Variants in MTMR10 observed in about 807,000 individuals in gnomAD.
MTMR10 encodes myotubularin-related protein 10.
A neutral mutation model predicts 88.1 loss-of-function variants in MTMR10; 56 were observed. The ratio of observed to expected loss-of-function variants is 0.64; its 90% CI spans 0.51 to 0.79. The LOEUF is 0.79. MTMR10 is among the 30% of genes least tolerant of loss of function. MTMR10 has a pLI of 0.00. For missense variants in MTMR10, 883 were observed against 924.7 expected, an observed-to-expected ratio of 0.95 and a Z score of 0.58; for synonymous variants, 380 against 340.9, an observed-to-expected ratio of 1.11 and a Z score of -1.26.
chr15:30,959,234 T>A (rs2063368471), intron 7 of MTMR10, 113 bp from the exon 8 acceptor site: 1 of 929,014 alleles, frequency 1.1e-6, no homozygotes, highest in South Asian at 1.7e-5. Context: ...TGCACCCCAC[T>A]TAGTAGCCAC....
chr15:30,941,348 C>A lies in MTMR10; in HGVS notation c.*122G>T. ...TTCAACATGTTTTTAAATATTAGTGCAAATTCCAACTATTATTCTTACATA... is the reference window on the plus strand; with the variant it reads ...TTCAACATGTTTTTAAATATTAGTGAAAATTCCAACTATTATTCTTACATA... On this transcript the variant is annotated 3_prime_UTR_variant, in exon 16 of 16. Coordinates refer to ENST00000435680, the MANE Select transcript of MTMR10 (RefSeq NM_017762.3). 6.5e-7 allele frequency: 1 copy of A among 1,534,706 alleles called. No homozygotes were observed.
the MTMR10 span, chr15:30,928,452 TTGAG>T: frequency 3.6e-5 from 55 of 1,521,316 alleles, no homozygotes; most frequent in Middle Eastern, 4.0e-4. Context: ...TTTCTTGAAA[TTGAG>T]TGTGCAGTAG....
Position 30,991,578 on chromosome 15 carries a change from C to G in MTMR10, c.-72G>C, listed in dbSNP as rs747456116. The G allele has an allele frequency of 1.3e-6, 2 of 1,499,302 alleles. No individual in the cohort carries two copies. The highest frequency in any genetic ancestry group is 1.8e-6 in the Non-Finnish European group (2 of 1,130,508). The allele number at this position is 1,499,302 out of a possible 1,614,324, so 92.9% of individuals were successfully genotyped here. A position where few individuals can be genotyped will look rare whatever the true frequency, so the allele number is the denominator to read the frequency against. ...CGCCGACGCCTCCGGGCGTAAAGCTCTCAGTGCGGCCGCCCAGGCCCTTTC... is the reference window on the plus strand; with the variant it reads ...CGCCGACGCCTCCGGGCGTAAAGCTGTCAGTGCGGCCGCCCAGGCCCTTTC... On this transcript the variant is annotated 5_prime_UTR_variant, in exon 1 of 16. Transcript: ENST00000435680.
rs76723761 is a variant in MTMR10 at position 30,955,973 on chromosome 15, T to A, written c.936-1080A>T. Among the ~76,000 whole-genome samples the A allele has an allele frequency of 5.6e-3, 761 of 135,788 alleles. 22 individuals are homozygous for A. The East Asian group carries it at 0.12, about 21-fold the overall frequency. The allele number at this position is 135,788 out of a possible 152,430, so 89.1% of individuals were successfully genotyped here. ...TCAATGGGTAACTTCCACACCACTT[T>A]AAAAAAACAAAACAAAACCCTGCTG... On this transcript the variant is annotated intron_variant, in intron 9 of 15. Transcript: ENST00000435680.
chr15:30,934,246 CTTCT>C (rs2062793335), downstream of MTMR10, among the ~76,000 whole-genome samples: 3 of 151,994 alleles, frequency 2.0e-5, no homozygotes. Context: ...CCACTTCAGC[CTTCT>C]TTTTTTTAAT....
At chr15:30,936,624 T>C (rs2062860835), downstream of MTMR10, among the ~76,000 whole-genome samples, 1 of 150,826 alleles carries the variant, frequency 6.6e-6, no homozygotes. Flanking sequence ...TGGCCTTATG[T>C]CCTGATAAAT....
downstream of MTMR10, among the ~76,000 whole-genome samples, chr15:30,935,417 C>T (rs2062825284): frequency 6.6e-6 from 1 of 152,114 alleles, no homozygotes; most frequent in African/African-American, 2.4e-5. Context: ...TCTGTAGATG[C>T]AACCATGGAC....
downstream of MTMR10, chr15:30,938,929 C>T (rs2062946358): frequency 1.9e-5 from 19 of 985,380 alleles, no homozygotes; most frequent in Non-Finnish European, 2.2e-5. Flanking sequence ...TGATTTCATA[C>T]TGACAACAAC....
chr15:30,963,235 C>T (rs11639169), intron 6 of MTMR10, among the ~76,000 whole-genome samples: 42,073 of 151,996 alleles, frequency 0.28, 6,248 homozygotes, highest in Non-Finnish European at 0.32. Context: ...CATCACTGGA[C>T]GGTGCTGCTC....
At chr15:30,936,411 T>C (rs890633824), downstream of MTMR10, among the ~76,000 whole-genome samples, 7 of 151,888 alleles carry the variant, frequency 4.6e-5, no homozygotes, top group African/African-American at 1.5e-4. Flanking sequence ...GCAAGAAGGT[T>C]AGATTTAATT....
chr15:30,942,131 T>C, intron 15 of MTMR10, 59 bp from the exon 16 acceptor site: 8 of 1,528,876 alleles, frequency 5.2e-6, no homozygotes, highest in Non-Finnish European at 7.1e-6. Flanking sequence ...GATTGAAGGA[T>C]GCAATGGCAA....
chr15:30,927,259 G>A, the MTMR10 span: 1 of 985,490 alleles, frequency 1.0e-6, no homozygotes, highest in Non-Finnish European at 1.2e-6. Flanking sequence ...TTATATTCCT[G>A]CCTGATCGTC....
chr15:30,940,921 A>G lies in MTMR10; in HGVS notation c.*549T>C. ...AAGTTAAAAGCAAACTCATGATTTC[A>G]AAACACAGTGATCTAAGGTTCCAAA... is the stretch of plus-strand genomic sequence containing the variant. On this transcript the variant is annotated 3_prime_UTR_variant, in exon 16 of 16. Coordinates refer to ENST00000435680, the MANE Select transcript of MTMR10 (RefSeq NM_017762.3). The G allele has an allele frequency of 9.5e-7, 1 of 1,047,924 alleles. No individual in the cohort carries two copies. The highest frequency in any genetic ancestry group is 1.2e-6 in the Non-Finnish European group (1 of 866,752). The allele number at this position is 1,047,924 out of a possible 1,614,324, so 64.9% of individuals were successfully genotyped here.
the MTMR10 span, among the ~76,000 whole-genome samples, chr15:30,931,234 C>G: frequency 1.7e-4 from 26 of 152,254 alleles, no homozygotes; most frequent in African/African-American, 6.3e-4. Context: ...AGAGAGTGAA[C>G]ACTTCCTTGA....
Position 30,976,885 on chromosome 15 carries a change from C to A in MTMR10, c.192G>T (p.Leu64Phe). The A allele has an allele frequency of 6.2e-7, 1 of 1,613,894 alleles. No individual in the cohort carries two copies. Among genetic ancestry groups the A allele is most frequent in the Non-Finnish European group, 8.5e-7 (1 of 1,179,822 alleles). ...AGTTACTGCATATCAGCTTTCCCCA[C>A]AAATCGTACTGGCTTGTGTCTGTTG... The part of the protein sequence containing the change: ...CIATDTSQYD[L>F]WGKLICSNFK... The change falls in exon 3 of 16, where the codon TTG becomes TTT. Residue 64 changes from leucine (L) to phenylalanine (F), a missense_variant. Transcript: ENST00000435680.
the MTMR10 span, among the ~76,000 whole-genome samples, chr15:30,929,907 T>TATATA: frequency 1.1e-4 from 10 of 93,004 alleles, no homozygotes; most frequent in Admixed American, 1.7e-4. Context: ...ATATATAAAA[T>TATATA]ATATAATATA....
chr15:30,939,867 G>A lies in MTMR10; in HGVS notation c.*1603C>T, dbSNP rs2062979925. The stretch of plus-strand genomic sequence containing the variant: ...ATTCTATTTGTATAAACTGAAACTA[G>A]CCCTTATTTTCTAGGCAACAAGTTG... On this transcript the variant is annotated 3_prime_UTR_variant, in exon 16 of 16. Transcript: ENST00000435680. 5.1e-6 allele frequency: 5 copies of A among 985,202 alleles called. No homozygotes were observed. The highest frequency in any genetic ancestry group is 6.0e-6 in the Non-Finnish European group (5 of 829,734). 61.0% of individuals were successfully genotyped at this position (985,202 alleles called of 1,614,324 possible). A position where few individuals can be genotyped will look rare whatever the true frequency, so the allele number is the denominator to read the frequency against.
At chr15:30,967,719 T>G (rs1041004895) in intron 6 of MTMR10, among the ~76,000 whole-genome samples, 1 of 152,164 alleles carries the variant, frequency 6.6e-6, no homozygotes, top group African/African-American at 2.4e-5. Context: ...TTCATAGCAT[T>G]AAAGGTTCTT....
downstream of MTMR10, chr15:30,937,218 G>A (rs1224945439): frequency 6.2e-6 from 10 of 1,614,038 alleles, no homozygotes; most frequent in Admixed American, 1.7e-5. Context: ...AGTCTGCCAT[G>A]TGGTTGCAGT....
Sources: allele counts gnomAD v4.1 joint callset (sites outside exome capture counted in the v4.1 genomes callset), GRCh38; gene constraint gnomAD v4.1.1; transcripts MANE v1.5; gene names NCBI Gene and HGNC (gene_info 2026-07-23, HGNC 2026-07-21).